Variants in SLC39A12 observed in about 807,000 individuals in gnomAD.
The protein encoded by SLC39A12 is zinc transporter ZIP12.
Under a neutral mutation model 71.1 loss-of-function variants are expected in SLC39A12, and 63 were observed. The observed-to-expected ratio is 0.89, with a 90% CI of 0.72 to 1.09. The LOEUF (loss-of-function observed/expected upper bound fraction) is 1.09. Ranked by LOEUF, SLC39A12 falls within the 50% of genes least tolerant of loss-of-function variation. The pLI, the probability that SLC39A12 is intolerant of heterozygous loss-of-function variation, is 0.00. For missense variants in SLC39A12, 892 were observed against 812.6 expected, an observed-to-expected ratio of 1.10 and a Z score of -1.19; for synonymous variants, 351 against 301.3, an observed-to-expected ratio of 1.16 and a Z score of -1.71.
chr10:18,002,259 C>G (rs1399837277), intron 11 of SLC39A12: 3 of 152,084 alleles, frequency 2.0e-5, no homozygotes, highest in Non-Finnish European at 2.9e-5. Context: ...CGCTTGCCCT[C>G]TTGTGCTTGG....
intron 6 of SLC39A12, among the ~76,000 whole-genome samples, chr10:17,985,278 G>C (rs954228328): frequency 6.6e-6 from 1 of 152,320 alleles, no homozygotes; most frequent in East Asian, 1.9e-4. Flanking sequence ...GGGAGGTGGA[G>C]GTTGCAGCAA....
At chr10:18,009,145 T>C (rs895381375) in intron 12 of SLC39A12, among the ~76,000 whole-genome samples, 2 of 152,180 alleles carry the variant, frequency 1.3e-5, no homozygotes, top group African/African-American at 2.4e-5. Flanking sequence ...TAGGCATTTT[T>C]CCTAGGGTTT....
chr10:18,019,264 G>T (rs879359283), intron 12 of SLC39A12, among the ~76,000 whole-genome samples: 1 of 151,872 alleles, frequency 6.6e-6, no homozygotes, highest in Non-Finnish European at 1.5e-5. Context: ...TCCAGTATCA[G>T]TACTTTGTAT....
chr10:17,976,089 C>G (rs139132102), intron 4 of SLC39A12, among the ~76,000 whole-genome samples: 3 of 152,120 alleles, frequency 2.0e-5, no homozygotes, highest in African/African-American at 7.2e-5. Context: ...TTTTCTGCCT[C>G]TTCAGTGCCT....
chr10:18,028,011 G>A (rs1935506), intron 12 of SLC39A12, among the ~76,000 whole-genome samples: 90,154 of 151,998 alleles, frequency 0.59, 27,799 homozygotes, highest in Non-Finnish European at 0.68. Flanking sequence ...TTTCTTAGAA[G>A]CAAACATGGT....
intron 12 of SLC39A12, among the ~76,000 whole-genome samples, chr10:18,028,216 T>C (rs551046925): frequency 3.3e-5 from 5 of 152,208 alleles, no homozygotes; most frequent in African/African-American, 1.2e-4. Context: ...CTTACCTTCA[T>C]AGGAGACGTC....
chr10:17,992,941 T>C (rs1370044977), intron 8 of SLC39A12, among the ~76,000 whole-genome samples: 1 of 152,224 alleles, frequency 6.6e-6, no homozygotes, highest in Non-Finnish European at 1.5e-5. Context: ...AATTTAATTT[T>C]GTGTAAATAT....
intron 12 of SLC39A12, among the ~76,000 whole-genome samples, chr10:18,028,543 CCTT>C (rs149392747): frequency 0.027 from 4,032 of 152,114 alleles, 190 homozygotes; most frequent in African/African-American, 0.092. Context: ...TGTGGATCAT[CCTT>C]CTTTGTGACA....
At chr10:18,011,001 C>A (rs952937750) in intron 12 of SLC39A12, among the ~76,000 whole-genome samples, 1 of 152,086 alleles carries the variant, frequency 6.6e-6, no homozygotes, top group Non-Finnish European at 1.5e-5. Flanking sequence ...CTTTTCATTT[C>A]GTTTCTCTTT....
intron 7 of SLC39A12, 41 bp from the exon 8 acceptor site, chr10:17,991,110 C>T (rs1835532427): frequency 1.3e-6 from 2 of 1,515,678 alleles, no homozygotes; most frequent in Admixed American, 2.5e-5. Context: ...GACTTATCTC[C>T]ATCTTTCTCT....
chr10:18,033,826 G>A (rs571305187), intron 12 of SLC39A12, among the ~76,000 whole-genome samples: 54 of 151,690 alleles, frequency 3.6e-4, no homozygotes, highest in Middle Eastern at 3.4e-3. Context: ...CTTTGAATGC[G>A]TCCCAGAGAT....
At chr10:18,000,403 C>A (rs1314757783) in intron 10 of SLC39A12, among the ~76,000 whole-genome samples, 10 of 152,202 alleles carry the variant, frequency 6.6e-5, no homozygotes, top group Admixed American at 6.5e-4. Context: ...GTTGGCATAA[C>A]TGCATAAGAT....
intron 6 of SLC39A12, among the ~76,000 whole-genome samples, chr10:17,986,922 T>G (rs1179456057): frequency 3.9e-5 from 6 of 152,178 alleles, no homozygotes; most frequent in Non-Finnish European, 1.5e-5. Context: ...GGAAGATCAC[T>G]TGAGCCTGGG....
intron 5 of SLC39A12, among the ~76,000 whole-genome samples, chr10:17,980,206 T>C (rs1322867675): frequency 1.3e-5 from 2 of 152,198 alleles, no homozygotes; most frequent in Non-Finnish European, 2.9e-5. Context: ...TTCTGTTCCA[T>C]GCACCCAAAT....
chr10:17,978,613 G>A (rs965821917), intron 5 of SLC39A12, among the ~76,000 whole-genome samples: 4 of 151,986 alleles, frequency 2.6e-5, no homozygotes, highest in Non-Finnish European at 5.9e-5. Flanking sequence ...GAACAAATAC[G>A]GTCTCTTCAT....
intron 9 of SLC39A12, 38 bp from the exon 10 acceptor site, chr10:17,995,618 T>C (rs764822776): frequency 1.3e-6 from 2 of 1,577,382 alleles, no homozygotes; most frequent in Non-Finnish European, 1.7e-6. Flanking sequence ...TGATGGCCAT[T>C]ACTTATCTTT....
intron 12 of SLC39A12, among the ~76,000 whole-genome samples, chr10:18,014,743 G>A (rs1027722358): frequency 6.6e-6 from 1 of 152,046 alleles, no homozygotes; most frequent in African/African-American, 2.4e-5. Context: ...TTTTTTTCTT[G>A]TTCACTAGAG....
chr10:17,978,860 A>G (rs1835182709), intron 5 of SLC39A12, among the ~76,000 whole-genome samples: 1 of 152,162 alleles, frequency 6.6e-6, no homozygotes, highest in South Asian at 2.1e-4. Context: ...TCATTTTCCA[A>G]GGGTTGTGCC....
intron 12 of SLC39A12, among the ~76,000 whole-genome samples, chr10:18,037,993 C>G (rs897124823): frequency 8.4e-6 from 1 of 119,476 alleles, no homozygotes; most frequent in African/African-American, 3.3e-5. Context: ...GCACTCCAGC[C>G]TAGTGACAGA....
Sources: allele counts gnomAD v4.1 joint callset (sites outside exome capture counted in the v4.1 genomes callset), GRCh38; gene constraint gnomAD v4.1.1; transcripts MANE v1.5; gene names NCBI Gene and HGNC (gene_info 2026-07-23, HGNC 2026-07-21).